The following WDPCP variants were observed in gnomAD, a reference collection of about 807,000 sequenced individuals.
WDPCP encodes WD repeat-containing and planar cell polarity effector protein fritz homolog.
In WDPCP, 71 loss-of-function variants were observed where a neutral mutation model predicts 93.1. That is an observed-to-expected ratio of 0.76 (90% CI 0.63 to 0.93). The LOEUF (loss-of-function observed/expected upper bound fraction) is 0.93. WDPCP is among the 40% of genes least tolerant of loss of function. WDPCP has a pLI of 0.00. For missense variants in WDPCP, 844 were observed against 887.4 expected (o/e 0.95, Z 0.62); for synonymous variants, 315 against 315.0 (o/e 1.00, Z 0.00).
Position 63,606,150 on chromosome 2 carries a change from G to A in WDPCP, n.488+44509C>T, listed in dbSNP as rs1218832074. 4.2e-5 allele frequency: 39 copies of A among 935,110 alleles called. No homozygotes were observed. The East Asian group carries it at 9.5e-4, about 23-fold the overall frequency. The allele number at this position is 935,110 out of a possible 1,614,324, so 57.9% of individuals were successfully genotyped here. On this transcript the variant is annotated intron_variant and non_coding_transcript_variant, in intron 3 of 4. Coordinates refer to the WDPCP transcript ENST00000467687. ...TAATCCCAACACTTTGGAAGGGCAA[G>A]GTGGCAAGATTGCTTGAGCCCAGGA...
chr2:63,588,455 C>T lies in WDPCP; in HGVS notation c.-184G>A. 1 of 705,872 alleles carries T rather than the reference C, an allele frequency of 1.4e-6. No individual in the cohort carries two copies. The highest frequency in any genetic ancestry group is 2.6e-6 in the Non-Finnish European group (1 of 389,350). 43.7% of individuals were successfully genotyped at this position (705,872 alleles called of 1,614,324 possible). On this transcript the variant is annotated 5_prime_UTR_variant, in exon 1 of 18. Coordinates refer to ENST00000272321, the MANE Select transcript of WDPCP (RefSeq NM_015910.7). ...CCTCGTCGCTTAGCAACCTGAGAAGCTGTCCGGTCGTCCCAACTTATCAAT... is the reference window on the plus strand; with the variant it reads ...CCTCGTCGCTTAGCAACCTGAGAAGTTGTCCGGTCGTCCCAACTTATCAAT...
At chr2:63,814,522 A>T (rs1470045839) in intron 1 of WDPCP, among the ~76,000 whole-genome samples, 1 of 152,188 alleles carries the variant, frequency 6.6e-6, no homozygotes. Context: ...CAATGCCAGA[A>T]GGCACCTAAC....
intron 12 of WDPCP, among the ~76,000 whole-genome samples, chr2:63,371,691 C>A (rs577041287): frequency 5.5e-4 from 84 of 151,882 alleles, no homozygotes; most frequent in African/African-American, 2.0e-3. Context: ...TCCACTCCTC[C>A]AAAAAAACCT....
At chr2:63,832,224 C>G (rs1671213794), upstream of WDPCP, among the ~76,000 whole-genome samples, 1 of 152,314 alleles carries the variant, frequency 6.6e-6, no homozygotes, top group East Asian at 1.9e-4. Context: ...AGTGGGGCCT[C>G]AACTGGAAAA....
intron 1 of WDPCP, among the ~76,000 whole-genome samples, chr2:63,545,102 A>T (rs1257972494): frequency 6.6e-6 from 1 of 152,126 alleles, no homozygotes; most frequent in Non-Finnish European, 1.5e-5. Context: ...TCCATTATCT[A>T]CACTTGGGAG....
At chr2:63,319,344 A>G (rs897747813) in intron 12 of WDPCP, among the ~76,000 whole-genome samples, 1 of 152,160 alleles carries the variant, frequency 6.6e-6, no homozygotes, top group Non-Finnish European at 1.5e-5. Context: ...CAAAAATTCT[A>G]AACTTGAATG....
At chr2:63,639,999 T>TG (rs1558872990) in intron 3 of WDPCP, among the ~76,000 whole-genome samples, 1 of 152,054 alleles carries the variant, frequency 6.6e-6, no homozygotes, top group African/African-American at 2.4e-5. Context: ...TTAATGTTGT[T>TG]TTTGTTTGTT....
chr2:63,809,773 G>A (rs1225858872), intron 2 of WDPCP, among the ~76,000 whole-genome samples: 3 of 152,048 alleles, frequency 2.0e-5, no homozygotes. Flanking sequence ...CACAAACACT[G>A]CGGAAGGCCG....
chr2:63,126,666 GTTTTTT>G (rs763749429), intron 17 of WDPCP, among the ~76,000 whole-genome samples: 4 of 98,116 alleles, frequency 4.1e-5, no homozygotes, highest in Non-Finnish European at 6.2e-5. Flanking sequence ...CTTGTTTTGT[GTTTTTT>G]TTTTTTTTTT....
intron 15 of WDPCP, among the ~76,000 whole-genome samples, chr2:63,165,050 A>G (rs577716066): frequency 2.0e-5 from 3 of 152,348 alleles, no homozygotes; most frequent in African/African-American, 7.2e-5. Context: ...TTAATAATAA[A>G]TGGATTAAAC....
chr2:63,654,195 G>A (rs1710140365), intron 2 of WDPCP, among the ~76,000 whole-genome samples: 1 of 152,210 alleles, frequency 6.6e-6, no homozygotes, highest in Admixed American at 6.5e-5. Flanking sequence ...AATTTTACTG[G>A]ACAGAATTAA....
chr2:63,397,852 A>G (rs980608074), intron 10 of WDPCP, among the ~76,000 whole-genome samples: 3 of 152,208 alleles, frequency 2.0e-5, no homozygotes, highest in African/African-American at 2.4e-5. Flanking sequence ...TATTATTTCA[A>G]TGAGTTTGGC....
chr2:63,737,922 A>G (rs1481423753), intron 2 of WDPCP, among the ~76,000 whole-genome samples: 2 of 152,128 alleles, frequency 1.3e-5, no homozygotes, highest in Non-Finnish European at 2.9e-5. Context: ...ATACATCTAG[A>G]TCAGTGGTTC....
chr2:63,201,269 C>T (rs1373309770), intron 14 of WDPCP, among the ~76,000 whole-genome samples: 1 of 152,130 alleles, frequency 6.6e-6, no homozygotes, highest in Non-Finnish European at 1.5e-5. Flanking sequence ...CCCAGCCATG[C>T]TTCCTGTACA....
chr2:63,781,062 G>A (rs1670385261), intron 2 of WDPCP, among the ~76,000 whole-genome samples: 1 of 152,164 alleles, frequency 6.6e-6, no homozygotes, highest in African/African-American at 2.4e-5. Context: ...TTACAGAATT[G>A]GTTTGAGAAA....
At chr2:63,555,031 C>A (rs569921302) in intron 1 of WDPCP, among the ~76,000 whole-genome samples, 2 of 152,238 alleles carry the variant, frequency 1.3e-5, no homozygotes, top group Non-Finnish European at 2.9e-5. Flanking sequence ...CTTAGTCTAA[C>A]GCACAGAGAT....
At chr2:63,270,420 A>AT (rs1426546609) in intron 13 of WDPCP, among the ~76,000 whole-genome samples, 1 of 150,058 alleles carries the variant, frequency 6.7e-6, no homozygotes, top group Non-Finnish European at 1.5e-5. Context: ...GGACTATTTA[A>AT]TTTTTTTTTA....
intron 1 of WDPCP, among the ~76,000 whole-genome samples, chr2:63,559,436 GAGA>G (rs1706406861): frequency 6.6e-6 from 1 of 152,158 alleles, no homozygotes; most frequent in African/African-American, 2.4e-5. Context: ...AATCAGGCAA[GAGA>G]AAGAAATAAA....
intron 17 of WDPCP, among the ~76,000 whole-genome samples, chr2:63,125,396 A>G (rs558311715): frequency 1.3e-5 from 2 of 152,364 alleles, no homozygotes; most frequent in Middle Eastern, 6.8e-3. Context: ...GAGTTATAAT[A>G]AGAAACATCT....
Sources: allele counts gnomAD v4.1 joint callset (sites outside exome capture counted in the v4.1 genomes callset), GRCh38; gene constraint gnomAD v4.1.1; transcripts MANE v1.5; gene names NCBI Gene and HGNC (gene_info 2026-07-23, HGNC 2026-07-21).